SHROOM2: variants seen among roughly 807,000 people sequenced by gnomAD.
The protein encoded by SHROOM2 is shroom family member 2.
A neutral mutation model predicts 75.9 loss-of-function variants in SHROOM2; 33 were observed. That is an observed-to-expected ratio of 0.43 (90% CI 0.33 to 0.58). The LOEUF is 0.58. Ranked by LOEUF, SHROOM2 falls within the 20% of genes least tolerant of loss-of-function variation. The pLI, the probability that SHROOM2 is intolerant of heterozygous loss-of-function variation, is 0.04. For missense variants in SHROOM2, 1,434 were observed against 1,461.2 expected, an observed-to-expected ratio of 0.98 and a Z score of 0.30; for synonymous variants, 655 against 663.6, an observed-to-expected ratio of 0.99 and a Z score of 0.20.
chrX:9,944,611 C>T (rs983476158), intron 8 of SHROOM2, 30 bp from the exon 9 acceptor site: 1 of 1,186,544 alleles, frequency 8.4e-7, no homozygotes, highest in Non-Finnish European at 1.1e-6. Flanking sequence ...CCAGTGTCTC[C>T]GTGTTCCCTT....
intron 1 of SHROOM2, among the ~76,000 whole-genome samples, chrX:9,814,539 G>C (rs955037231): frequency 9.0e-6 from 1 of 111,207 alleles, no homozygotes; most frequent in Non-Finnish European, 1.9e-5. Context: ...AAGCAAACAG[G>C]GGTGTCGGGG....
intron 1 of SHROOM2, among the ~76,000 whole-genome samples, chrX:9,808,636 T>C (rs1316956137): frequency 1.8e-5 from 2 of 109,485 alleles, no homozygotes; most frequent in Non-Finnish European, 1.9e-5. Context: ...CCAAGGTGGG[T>C]GGATCACCTG....
At chrX:9,905,267 T>C (rs1394964040) in intron 5 of SHROOM2, among the ~76,000 whole-genome samples, 2 of 113,067 alleles carry the variant, frequency 1.8e-5, no homozygotes, top group African/African-American at 6.4e-5. Flanking sequence ...CTCATCTGTT[T>C]TCTGAAGGCC....
At chrX:9,859,097 T>C (rs377033935) in intron 1 of SHROOM2, among the ~76,000 whole-genome samples, 3 of 109,270 alleles carry the variant, frequency 2.7e-5, no homozygotes, top group African/African-American at 1.0e-4. Context: ...ATCTGTAATC[T>C]CAGCTACTCG....
At chrX:9,925,916 C>T (rs777368980) in intron 5 of SHROOM2, among the ~76,000 whole-genome samples, 5 of 111,772 alleles carry the variant, frequency 4.5e-5, no homozygotes, top group South Asian at 3.8e-4. Flanking sequence ...CTGGCTTGGT[C>T]GGCTGCAGGG....
intron 5 of SHROOM2, among the ~76,000 whole-genome samples, chrX:9,902,984 A>G (rs1236502398): frequency 8.9e-6 from 1 of 112,152 alleles, no homozygotes; most frequent in Non-Finnish European, 1.9e-5. Flanking sequence ...TACCAGCTGC[A>G]AAATTGAATG....
chrX:9,932,710 G>T lies in SHROOM2; in HGVS notation c.3427G>T (p.Ala1143Ser). Residue 1143 changes from alanine (A) to serine (S), a missense_variant, in exon 6 of 10, where the codon GCA becomes TCA. This residue lies in a region of SHROOM2 where 1,340 missense variants were observed against 1,338.3 expected (regional missense o/e 1.00). Transcript: ENST00000380913. Reference protein sequence around the residue: ...ERGSQHVSGDASRPLPEALLP... With the variant: ...ERGSQHVSGDSSRPLPEALLP... ...TGGAAGCCAGCATGTGAGCGGGGAC[G>T]CATCACGTCCTCTGCCAGAAGCACT... The T allele has an allele frequency of 8.3e-7, 1 of 1,211,150 alleles. No homozygotes were observed. Among genetic ancestry groups the T allele is most frequent in the African/African-American group, 1.7e-5 (1 of 57,889 alleles).
chrX:9,872,391 C>T (rs2084175740), intron 1 of SHROOM2, among the ~76,000 whole-genome samples: 1 of 112,113 alleles, frequency 8.9e-6, no homozygotes, highest in South Asian at 3.7e-4. Flanking sequence ...GGGGTGAAAC[C>T]CTGTCTCTAC....
At chrX:9,873,507 C>T in intron 1 of SHROOM2, 145 bp from the exon 2 acceptor site, 1 of 598,208 alleles carries the variant, frequency 1.7e-6, no homozygotes, top group Admixed American at 3.2e-5. Context: ...TGTAGTGCAT[C>T]CCTGATCCCC....
Position 9,899,002 on chromosome X carries a change from G to A in SHROOM2, c.2891+712G>A, listed in dbSNP as rs966134355. ...TTCACACCTGTATTCCCAGCACTTT[G>A]GGAGGCTGAGGCAGGTGAATCGCTT... On this transcript the variant is annotated intron_variant, in intron 5 of 9. Transcript: ENST00000380913. 4.5e-5 allele frequency among the ~76,000 whole-genome samples: 5 copies of A among 110,714 alleles called. No individual in the cohort carries two copies. The East Asian group carries it at 1.1e-3, about 25-fold the overall frequency.
intron 1 of SHROOM2, among the ~76,000 whole-genome samples, chrX:9,857,108 G>C (rs1435033349): frequency 8.9e-6 from 1 of 112,734 alleles, no homozygotes; most frequent in African/African-American, 3.2e-5. Context: ...CAAATTTGAA[G>C]AGGCAGAAAG....
Position 9,932,873 on chromosome X carries a change from A to G in SHROOM2, c.3587+3A>G, listed in dbSNP as rs781213081. On this transcript the variant is annotated splice_donor_region_variant and intron_variant, in intron 6 of 9. Transcript: ENST00000380913. ...ATCCAGGATGAGGATTCAACCAGGT[A>G]CTGTCCTGCGACGGTGTTCCCTCCC... is the stretch of plus-strand genomic sequence containing the variant. 1.7e-6 allele frequency: 2 copies of G among 1,172,522 alleles called. No individual in the cohort carries two copies. The highest frequency in any genetic ancestry group is 6.0e-5 in the East Asian group (2 of 33,437).
intron 1 of SHROOM2, among the ~76,000 whole-genome samples, chrX:9,828,869 A>G (rs1220656154): frequency 1.8e-5 from 2 of 112,395 alleles, no homozygotes; most frequent in Non-Finnish European, 1.9e-5. Flanking sequence ...ATGACACCTC[A>G]GCAGGGTGTA....
At chrX:9,816,338 G>A (rs989117054) in intron 1 of SHROOM2, among the ~76,000 whole-genome samples, 2 of 112,395 alleles carry the variant, frequency 1.8e-5, no homozygotes, top group African/African-American at 6.5e-5. Context: ...CATGGGTGGC[G>A]CATCCCTGAT....
chrX:9,902,444 T>C (rs2084370169), intron 5 of SHROOM2, among the ~76,000 whole-genome samples: 1 of 111,744 alleles, frequency 8.9e-6, no homozygotes, highest in South Asian at 3.7e-4. Context: ...AATGGATAAA[T>C]ACCAGGCTGA....
chrX:9,855,544 CAGATAGATAGAT>C (rs34574616), intron 1 of SHROOM2, among the ~76,000 whole-genome samples: 2 of 108,761 alleles, frequency 1.8e-5, no homozygotes, highest in Admixed American at 1.0e-4. Context: ...CATATTAATC[CAGATAGATAGAT>C]AGATAGATAG....
intron 1 of SHROOM2, among the ~76,000 whole-genome samples, chrX:9,835,784 A>G (rs1267241282): frequency 1.9e-5 from 2 of 103,405 alleles, no homozygotes; most frequent in Non-Finnish European, 2.0e-5. Context: ...CCCAGGCTGG[A>G]TGGAGTCCAG....
rs867035220 is a variant in SHROOM2 at position 9,949,399 on chromosome X, A to G, written c.*2462A>G. ...CTTACCACTCACCTATCAACAGATC[A>G]TCCTGCTTGACTGTAACAAAATAAA... is the stretch of plus-strand genomic sequence containing the variant. On this transcript the variant is annotated 3_prime_UTR_variant, in exon 10 of 10. Coordinates refer to ENST00000380913, the MANE Select transcript of SHROOM2 (RefSeq NM_001649.4). The G allele has an allele frequency of 7.6e-5, 25 of 328,919 alleles. No individual in the cohort carries two copies. The highest frequency in any genetic ancestry group is 5.9e-4 in the African/African-American group (22 of 37,423). 27.1% of individuals were successfully genotyped at this position (328,919 alleles called of 1,213,427 possible).
chrX:9,911,285 C>T (rs1044711878), intron 5 of SHROOM2, among the ~76,000 whole-genome samples: 3 of 111,553 alleles, frequency 2.7e-5, no homozygotes, highest in Non-Finnish European at 3.8e-5. Flanking sequence ...CAACCTTGCT[C>T]GCAGACTTAT....
Sources: gnomAD v4.1 joint callset for allele counts (sites outside exome capture counted in the v4.1 genomes callset) on GRCh38, gnomAD v4.1.1 for gene constraint, gnomAD v4.1.1 regional missense constraint, MANE v1.5 for transcripts, NCBI Gene and HGNC (gene_info 2026-07-23, HGNC 2026-07-21) for gene names.